Variants in EPM2A observed in about 807,000 individuals in gnomAD.
EPM2A encodes EPM2A glucan phosphatase, laforin, also known as laforin.
In EPM2A, 21 loss-of-function variants were observed where a neutral mutation model predicts 26.5. That is an observed-to-expected ratio of 0.79 (90% confidence interval 0.56 to 1.14). EPM2A has a LOEUF of 1.14. EPM2A is among the 50% of genes most tolerant of loss of function. The pLI is 0.00. For missense variants in EPM2A, 458 were observed against 440.8 expected (o/e 1.04, Z -0.35); for synonymous variants, 217 against 177.6 (o/e 1.22, Z -1.76).
intron 4 of EPM2A, among the ~76,000 whole-genome samples, chr6:145,450,230 G>A (rs1191515537): frequency 6.6e-6 from 1 of 151,418 alleles, no homozygotes; most frequent in African/African-American, 2.4e-5. Flanking sequence ...GCGGGTGCCT[G>A]TAGTTTCAGC....
chr6:145,386,913 G>C (rs1286934634), intron 4 of EPM2A, among the ~76,000 whole-genome samples: 1 of 152,028 alleles, frequency 6.6e-6, no homozygotes, highest in Non-Finnish European at 1.5e-5. Flanking sequence ...AGTCTGTTTT[G>C]TTTAAAAAGA....
intron 4 of EPM2A, among the ~76,000 whole-genome samples, chr6:145,445,059 G>A (rs992605406): frequency 6.6e-6 from 1 of 152,076 alleles, no homozygotes. Flanking sequence ...TGCTGTGTGT[G>A]TATATTAGGT....
intron 2 of EPM2A, among the ~76,000 whole-genome samples, chr6:145,531,315 C>T (rs548732179): frequency 6.6e-6 from 1 of 152,090 alleles, no homozygotes; most frequent in Non-Finnish European, 1.5e-5. Flanking sequence ...CCAATATAAA[C>T]CCCAAGGAAA....
intron 4 of EPM2A, among the ~76,000 whole-genome samples, chr6:145,417,420 T>C (rs577126745): frequency 6.6e-6 from 1 of 152,346 alleles, no homozygotes; most frequent in South Asian, 2.1e-4. Context: ...TTCCATTTTA[T>C]AGCTTTTAAA....
chr6:145,383,646 C>G (rs1449622594), exon 5 of EPM2A: 1 of 152,186 alleles, frequency 6.6e-6, no homozygotes, highest in East Asian at 1.9e-4. Context: ...CAGGCCCTAC[C>G]TCCAACGCTG....
At chr6:145,559,072 CA>C (rs1201637643) in intron 2 of EPM2A, among the ~76,000 whole-genome samples, 1 of 152,114 alleles carries the variant, frequency 6.6e-6, no homozygotes, top group Non-Finnish European at 1.5e-5. Context: ...TTCATTTTCA[CA>C]ATTCCAGAGG....
At chr6:145,433,175 G>T (rs1467031649) in intron 4 of EPM2A, among the ~76,000 whole-genome samples, 1 of 152,078 alleles carries the variant, frequency 6.6e-6, no homozygotes, top group Non-Finnish European at 1.5e-5. Context: ...TTTCCTTCAA[G>T]AACTTTTCCT....
rs535517565 is a variant in EPM2A, at chr6:145,398,968, C to A, written c.556-14871G>T. Among the ~76,000 whole-genome samples the A allele has an allele frequency of 2.6e-5, 4 of 152,072 alleles. No individual in the cohort carries two copies. In the South Asian group the frequency reaches 8.3e-4, roughly 32 times the overall value. On this transcript the variant is annotated intron_variant, in intron 4 of 4. Coordinates refer to the EPM2A transcript ENST00000638717. The stretch of plus-strand genomic sequence containing the variant: ...CTTTCTGAGTCCAATTGCTTGCACA[C>A]CCAAATATTACCACCCCCTTTTTAA...
chr6:145,646,649 C>G (rs779484688), intron 2 of EPM2A, among the ~76,000 whole-genome samples: 7 of 152,170 alleles, frequency 4.6e-5, no homozygotes, highest in Non-Finnish European at 1.0e-4. Flanking sequence ...GTTCCAAACT[C>G]TGGTCTCCCT....
chr6:145,383,579 G>A (rs932128829), exon 5 of EPM2A: 1 of 152,094 alleles, frequency 6.6e-6, no homozygotes, highest in Non-Finnish European at 1.5e-5. Context: ...CAGCACCAAA[G>A]GGATGGTGCT....
At chr6:145,395,475 G>A (rs1221690087) in intron 4 of EPM2A, among the ~76,000 whole-genome samples, 3 of 152,134 alleles carry the variant, frequency 2.0e-5, no homozygotes, top group African/African-American at 7.2e-5. Context: ...TCTTAGGACA[G>A]TCATGGCCAT....
chr6:145,555,626 T>C (rs981289284), intron 2 of EPM2A, among the ~76,000 whole-genome samples: 14 of 152,152 alleles, frequency 9.2e-5, no homozygotes, highest in Non-Finnish European at 1.6e-4. Context: ...ATTCCTTTTC[T>C]TTCTCTTTGT....
chr6:145,503,328 G>C (rs1358806792), intron 2 of EPM2A, among the ~76,000 whole-genome samples: 1 of 148,414 alleles, frequency 6.7e-6, no homozygotes, highest in Non-Finnish European at 1.5e-5. Context: ...CGACATGATT[G>C]TTTATCTAGA....
chr6:145,415,918 A>G (rs1778701778), intron 4 of EPM2A, among the ~76,000 whole-genome samples: 1 of 152,118 alleles, frequency 6.6e-6, no homozygotes, highest in Non-Finnish European at 1.5e-5. Flanking sequence ...TTTGGTTTCC[A>G]TTCTTGCTCT....
chr6:145,700,427 G>C (rs80121859), intron 1 of EPM2A, among the ~76,000 whole-genome samples: 1 of 152,038 alleles, frequency 6.6e-6, no homozygotes, highest in East Asian at 1.9e-4. Context: ...TTCATAGCCT[G>C]AACACAAATC....
At chr6:145,390,473 G>C (rs1253112480) in intron 4 of EPM2A, among the ~76,000 whole-genome samples, 2 of 151,984 alleles carry the variant, frequency 1.3e-5, no homozygotes, top group African/African-American at 4.8e-5. Flanking sequence ...AAACTTGTCT[G>C]GTGATAGTTC....
chr6:145,413,827 A>C (rs1310481358), intron 4 of EPM2A, among the ~76,000 whole-genome samples: 1 of 152,190 alleles, frequency 6.6e-6, no homozygotes, highest in Non-Finnish European at 1.5e-5. Context: ...AAGCATTTAC[A>C]CACTTTTTTC....
At chr6:145,444,236 T>C (rs187002034) in intron 4 of EPM2A, among the ~76,000 whole-genome samples, 4 of 152,208 alleles carry the variant, frequency 2.6e-5, no homozygotes, top group East Asian at 1.9e-4. Context: ...GGCTGTGGGT[T>C]TGGCATAAAT....
At chr6:145,482,780 A>C (rs1381705360) in intron 4 of EPM2A, among the ~76,000 whole-genome samples, 1 of 152,042 alleles carries the variant, frequency 6.6e-6, no homozygotes, top group African/African-American at 2.4e-5. Context: ...TAACAACTAC[A>C]GTCAACTTTT....
Sources: gnomAD v4.1 joint callset for allele counts (sites outside exome capture counted in the v4.1 genomes callset) on GRCh38, gnomAD v4.1.1 for gene constraint, MANE v1.5 for transcripts, NCBI Gene and HGNC (gene_info 2026-07-23, HGNC 2026-07-21) for gene names.